CBFA2T2: variants seen among roughly 807,000 people sequenced by gnomAD.
The protein encoded by CBFA2T2 is CBFA2/RUNX1 partner transcriptional co-repressor 2, also known as protein CBFA2T2.
A neutral mutation model predicts 62.2 loss-of-function variants in CBFA2T2; 11 were observed. The ratio of observed to expected loss-of-function variants is 0.18; its 90% confidence interval spans 0.11 to 0.29. The LOEUF (loss-of-function observed/expected upper bound fraction) is 0.29, where lower values mean the gene tolerates loss of function less well. CBFA2T2 is among the 10% of genes least tolerant of loss of function. The pLI is 1.00. For missense variants in CBFA2T2, 592 were observed against 774.1 expected, an observed-to-expected ratio of 0.76 and a Z score of 2.79; for synonymous variants, 295 against 287.5, an observed-to-expected ratio of 1.03 and a Z score of -0.27.
chr20:33,592,053 A>G (rs2014669587), intron 1 of CBFA2T2, among the ~76,000 whole-genome samples: 1 of 152,072 alleles, frequency 6.6e-6, no homozygotes, highest in Non-Finnish European at 1.5e-5. Flanking sequence ...AACAAGTGTT[A>G]GTTGATGAAC....
At chr20:33,539,702 G>T (rs994313252) in intron 1 of CBFA2T2, among the ~76,000 whole-genome samples, 248 of 123,912 alleles carry the variant, frequency 2.0e-3, no homozygotes, top group East Asian at 7.2e-3. Flanking sequence ...TTTTTTTTTT[G>T]GTAGAAGACA....
chr20:33,527,553 A>G (rs539555650), intron 1 of CBFA2T2, among the ~76,000 whole-genome samples: 1 of 152,028 alleles, frequency 6.6e-6, no homozygotes, highest in African/African-American at 2.4e-5. Flanking sequence ...TTGTATTTTT[A>G]GTAGAGACAG....
chr20:33,592,139 G>T (rs2014674159), intron 1 of CBFA2T2, among the ~76,000 whole-genome samples: 1 of 151,940 alleles, frequency 6.6e-6, no homozygotes, highest in Non-Finnish European at 1.5e-5. Flanking sequence ...GAGGTGGGCG[G>T]ATCACGTGAT....
rs546059476 is a variant in CBFA2T2 at position 33,559,017 on chromosome 20, A to C, written c.35-47939A>C. Among the ~76,000 whole-genome samples, 5 of 152,230 alleles carry C rather than the reference A, an allele frequency of 3.3e-5. No individual in the cohort carries two copies. In the South Asian group the frequency reaches 1.0e-3, roughly 32 times the overall value. ...CAGTTCATATAGGAAAGACAGATGA[A>C]ATGCTTGATTCATCAGATTTTAGAA... On this transcript the variant is annotated intron_variant, in intron 1 of 10. Transcript: ENST00000342704.
At chr20:33,553,952 G>T (rs765994819) in intron 1 of CBFA2T2, among the ~76,000 whole-genome samples, 6 of 151,856 alleles carry the variant, frequency 4.0e-5, no homozygotes, top group Non-Finnish European at 8.8e-5. Flanking sequence ...ATATGCTTTT[G>T]TTAACTTTAC....
At chr20:33,531,588 G>A (rs1397966281) in intron 1 of CBFA2T2, among the ~76,000 whole-genome samples, 1 of 152,152 alleles carries the variant, frequency 6.6e-6, no homozygotes, top group Non-Finnish European at 1.5e-5. Flanking sequence ...CTCTTCCTGT[G>A]CTAAACAAAA....
intron 1 of CBFA2T2, among the ~76,000 whole-genome samples, chr20:33,552,281 A>G (rs557998078): frequency 6.6e-6 from 1 of 152,350 alleles, no homozygotes; most frequent in African/African-American, 2.4e-5. Context: ...ATGAGACTAC[A>G]TGGAAGAATA....
chr20:33,633,008 C>T (rs1000587455), intron 8 of CBFA2T2, among the ~76,000 whole-genome samples: 6 of 152,044 alleles, frequency 3.9e-5, no homozygotes, highest in African/African-American at 1.4e-4. Flanking sequence ...ATCTGCCCGC[C>T]TTGGCCTCCC....
intron 3 of CBFA2T2, among the ~76,000 whole-genome samples, chr20:33,612,768 CCAAA>C (rs1005633527): frequency 3.3e-5 from 5 of 152,140 alleles, no homozygotes; most frequent in African/African-American, 1.2e-4. Context: ...AATTCTGAGA[CCAAA>C]CAGTTTAAGA....
chr20:33,506,102 T>G (rs1354257302), intron 1 of CBFA2T2, among the ~76,000 whole-genome samples: 1 of 151,070 alleles, frequency 6.6e-6, no homozygotes, highest in Non-Finnish European at 1.5e-5. Context: ...AAAATAAAAA[T>G]AAAAAAAGAA....
intron 1 of CBFA2T2, among the ~76,000 whole-genome samples, chr20:33,501,617 A>G (rs535836444): frequency 1.0e-3 from 86 of 86,342 alleles, no homozygotes; most frequent in Non-Finnish European, 1.8e-3. Context: ...TTGAAACTAT[A>G]TTCTTAGCCT....
chr20:33,495,822 C>G (rs1156594625), intron 1 of CBFA2T2, among the ~76,000 whole-genome samples: 1 of 152,166 alleles, frequency 6.6e-6, no homozygotes, highest in Non-Finnish European at 1.5e-5. Context: ...CATTACTTAA[C>G]CTTCTTGTGC....
chr20:33,520,015 C>T (rs2011687094), intron 1 of CBFA2T2, among the ~76,000 whole-genome samples: 1 of 152,002 alleles, frequency 6.6e-6, no homozygotes, highest in Non-Finnish European at 1.5e-5. Flanking sequence ...GGCATGGTGG[C>T]TCGTGCCTAA....
At chr20:33,598,377 G>A (rs1323223960) in intron 1 of CBFA2T2, among the ~76,000 whole-genome samples, 1 of 152,080 alleles carries the variant, frequency 6.6e-6, no homozygotes, top group African/African-American at 2.4e-5. Context: ...ATACATCCAG[G>A]CGCGTATTCT....
At chr20:33,634,058 T>G (rs1430397340) in intron 8 of CBFA2T2, among the ~76,000 whole-genome samples, 2 of 152,258 alleles carry the variant, frequency 1.3e-5, no homozygotes, top group East Asian at 3.9e-4. Flanking sequence ...AACCTCCGCC[T>G]TTTGGCTTCA....
At chr20:33,643,734 T>A (rs2016933327) in intron 10 of CBFA2T2, among the ~76,000 whole-genome samples, 1 of 96,276 alleles carries the variant, frequency 1.0e-5, no homozygotes. Flanking sequence ...CTGGCCAACA[T>A]GGCAAAACCT....
intron 8 of CBFA2T2, among the ~76,000 whole-genome samples, chr20:33,632,088 T>C (rs2016475027): frequency 6.6e-6 from 1 of 152,224 alleles, no homozygotes; most frequent in South Asian, 2.1e-4. Context: ...TCTTGCTCTG[T>C]TGTCCAGGCT....
chr20:33,628,258 GTTA>G (rs1030063089), intron 6 of CBFA2T2, 89 bp from the exon 7 acceptor site: 41 of 858,240 alleles, frequency 4.8e-5, no homozygotes, highest in Non-Finnish European at 1.2e-5. Flanking sequence ...TGTGATCAAA[GTTA>G]TTATGAATAT....
intron 1 of CBFA2T2, among the ~76,000 whole-genome samples, chr20:33,569,416 CTTCT>C (rs746740856): frequency 2.0e-5 from 3 of 152,342 alleles, no homozygotes; most frequent in South Asian, 2.1e-4. Flanking sequence ...ATGTTTTAGA[CTTCT>C]TTCTTCCTTC....
Sources: allele counts gnomAD v4.1 joint callset (sites outside exome capture counted in the v4.1 genomes callset), GRCh38; gene constraint gnomAD v4.1.1; transcripts MANE v1.5; gene names NCBI Gene and HGNC (gene_info 2026-07-23, HGNC 2026-07-21).